TMEFF2: variants seen among roughly 807,000 people sequenced by gnomAD.
TMEFF2 encodes the protein tomoregulin-2.
In TMEFF2, 28 loss-of-function variants were observed where a neutral mutation model predicts 53.8. The observed-to-expected ratio is 0.52, with a 90% confidence interval of 0.39 to 0.71. The LOEUF is 0.71. TMEFF2 is among the 30% of genes least tolerant of loss of function. TMEFF2 has a pLI of 0.00. For missense variants in TMEFF2, 353 were observed against 455.2 expected, an observed-to-expected ratio of 0.78 and a Z score of 2.04; for synonymous variants, 162 against 166.3, an observed-to-expected ratio of 0.97 and a Z score of 0.20.
intron 5 of TMEFF2, among the ~76,000 whole-genome samples, chr2:192,023,086 A>G (rs1686893335): frequency 6.6e-6 from 1 of 151,928 alleles, no homozygotes; most frequent in African/African-American, 2.4e-5. Flanking sequence ...AGTTGTACGG[A>G]TTGTGATTTA....
chr2:192,025,377 T>G (rs950452200), intron 5 of TMEFF2, among the ~76,000 whole-genome samples: 3 of 4,314 alleles, frequency 7.0e-4, no homozygotes, highest in Non-Finnish European at 1.1e-3. Flanking sequence ...AACAGAAGGG[T>G]TTTTTTTTTT....
At chr2:192,049,765 G>A (rs1453158903) in intron 5 of TMEFF2, among the ~76,000 whole-genome samples, 1 of 152,156 alleles carries the variant, frequency 6.6e-6, no homozygotes, top group Non-Finnish European at 1.5e-5. Context: ...ACTTTGGGAG[G>A]CTGAGGCGGG....
intron 5 of TMEFF2, chr2:192,034,724 G>A (rs2105877184): frequency 6.6e-6 from 1 of 152,314 alleles, no homozygotes; most frequent in South Asian, 2.1e-4. Flanking sequence ...TGGAAGCACT[G>A]CTAACTGTTC....
At chr2:192,021,523 G>C (rs1686860385) in intron 5 of TMEFF2, among the ~76,000 whole-genome samples, 1 of 152,018 alleles carries the variant, frequency 6.6e-6, no homozygotes, top group Non-Finnish European at 1.5e-5. Flanking sequence ...CAAACTGAAA[G>C]AACAGAGACC....
chr2:192,120,706 TA>T (rs1689529895), intron 4 of TMEFF2, among the ~76,000 whole-genome samples: 1 of 152,204 alleles, frequency 6.6e-6, no homozygotes, highest in South Asian at 2.1e-4. Flanking sequence ...AGATCTGTTA[TA>T]GTATCCACTC....
chr2:192,106,537 C>T (rs887364022), intron 4 of TMEFF2, among the ~76,000 whole-genome samples: 7 of 151,508 alleles, frequency 4.6e-5, no homozygotes, highest in Admixed American at 3.9e-4. Flanking sequence ...AAAAGATGTC[C>T]GTGATTTACC....
At chr2:192,122,758 C>T (rs1446207488) in intron 4 of TMEFF2, among the ~76,000 whole-genome samples, 1 of 152,074 alleles carries the variant, frequency 6.6e-6, no homozygotes, top group Non-Finnish European at 1.5e-5. Context: ...ACCCTGTAAT[C>T]AATGCCTTTA....
chr2:192,125,610 T>C (rs1237978155), intron 4 of TMEFF2, among the ~76,000 whole-genome samples: 1 of 152,140 alleles, frequency 6.6e-6, no homozygotes, highest in Non-Finnish European at 1.5e-5. Context: ...AGTAAAGACA[T>C]GGAATCAATC....
At chr2:192,013,096 T>G (rs894346287) in intron 5 of TMEFF2, among the ~76,000 whole-genome samples, 6 of 152,200 alleles carry the variant, frequency 3.9e-5, no homozygotes, top group African/African-American at 1.4e-4. Context: ...TAAATGAGAA[T>G]CAGTCCCTTG....
At chr2:192,124,636 TCAGAG>T (rs1333784567) in intron 4 of TMEFF2, among the ~76,000 whole-genome samples, 2 of 152,190 alleles carry the variant, frequency 1.3e-5, no homozygotes, top group Non-Finnish European at 2.9e-5. Context: ...GTGGTCAACC[TCAGAG>T]AAACAGACTG....
At chr2:191,987,845 A>G (rs920278529) in intron 7 of TMEFF2, among the ~76,000 whole-genome samples, 2 of 152,192 alleles carry the variant, frequency 1.3e-5, no homozygotes, top group African/African-American at 4.8e-5. Context: ...AGAGAATCCA[A>G]AACAACAGAT....
chr2:192,075,290 T>TATATATATATATAAATATATATATAA (rs1688386168), intron 4 of TMEFF2, among the ~76,000 whole-genome samples: 2 of 25,392 alleles, frequency 7.9e-5, no homozygotes, highest in East Asian at 1.3e-3. Context: ...TACTATTATA[T>TATATATATATATAAATATATATATAA]ATATATATAT....
At chr2:192,020,640 T>C (rs1045307906) in intron 5 of TMEFF2, among the ~76,000 whole-genome samples, 3 of 152,096 alleles carry the variant, frequency 2.0e-5, no homozygotes, top group Admixed American at 6.6e-5. Flanking sequence ...CCCATCTCTG[T>C]GTTGGGAAAG....
chr2:192,092,541 C>T (rs1688813822), intron 4 of TMEFF2, among the ~76,000 whole-genome samples: 1 of 151,996 alleles, frequency 6.6e-6, no homozygotes, highest in African/African-American at 2.4e-5. Context: ...TTGTATTGAA[C>T]GCTATAGTAG....
intron 4 of TMEFF2, among the ~76,000 whole-genome samples, chr2:192,108,978 T>C (rs1689214201): frequency 6.6e-6 from 1 of 152,064 alleles, no homozygotes; most frequent in South Asian, 2.1e-4. Context: ...ATGAAATACC[T>C]AGAATAGGTA....
At chr2:192,015,537 C>A (rs1477153690) in intron 5 of TMEFF2, among the ~76,000 whole-genome samples, 1 of 152,002 alleles carries the variant, frequency 6.6e-6, no homozygotes, top group African/African-American at 2.4e-5. Flanking sequence ...TGTTTTTAAA[C>A]AGCAGAAAGC....
intron 7 of TMEFF2, among the ~76,000 whole-genome samples, chr2:191,958,310 C>T (rs1241759634): frequency 6.6e-6 from 1 of 152,182 alleles, no homozygotes; most frequent in East Asian, 1.9e-4. Flanking sequence ...TCATTAATAA[C>T]CCCTCAGTGC....
intron 5 of TMEFF2, among the ~76,000 whole-genome samples, chr2:192,049,581 A>G (rs1002654417): frequency 6.6e-5 from 10 of 152,182 alleles, no homozygotes; most frequent in African/African-American, 2.4e-4. Context: ...AATATGCTAG[A>G]AACTGAGACA....
chr2:192,070,116 A>AT (rs1688262061), intron 4 of TMEFF2, among the ~76,000 whole-genome samples: 1 of 150,280 alleles, frequency 6.7e-6, no homozygotes, highest in South Asian at 2.1e-4. Flanking sequence ...CACCATTATT[A>AT]TTTTTGTTTA....
Sources: allele counts gnomAD v4.1 joint callset (sites outside exome capture counted in the v4.1 genomes callset), GRCh38; gene constraint gnomAD v4.1.1; transcripts MANE v1.5; gene names NCBI Gene and HGNC (gene_info 2026-07-23, HGNC 2026-07-21).